IGFN1: variants seen among roughly 807,000 people sequenced by gnomAD.
IGFN1 encodes the protein immunoglobulin like and fibronectin type III domain containing 1, also known as immunoglobulin-like and fibronectin type III domain-containing protein 1.
In IGFN1, 253 loss-of-function variants were observed where a neutral mutation model predicts 289.5. The ratio of observed to expected loss-of-function variants is 0.87; its 90% CI spans 0.79 to 0.97. IGFN1 has a LOEUF of 0.97. Among genes scored for constraint, IGFN1 ranks in the 50% least tolerant of loss-of-function variants. The probability of loss-of-function intolerance (pLI) is 0.00; values close to 1 mark genes in which losing one functional copy is unlikely to be tolerated. For missense variants in IGFN1, 4,470 were observed against 4,686.1 expected (o/e 0.95, Z 1.35); for synonymous variants, 1,706 against 1,788.5 (o/e 0.95, Z 1.16).
At position 201,228,410 on chromosome 1, in the gene IGFN1, C is replaced by T. The variant is rs745850638; in HGVS notation, c.*11C>T. 1 of 1,613,970 alleles carries T rather than the reference C, an allele frequency of 6.2e-7. No homozygotes were observed. The highest frequency in any genetic ancestry group is 1.1e-5 in the South Asian group (1 of 91,084). ...GAACCCAGCACCTAGCCTCACCTCACCCTGGGATGGTCCTGGACCCTTGAA... is the reference window on the plus strand; with the variant it reads ...GAACCCAGCACCTAGCCTCACCTCATCCTGGGATGGTCCTGGACCCTTGAA... On this transcript the variant is annotated 3_prime_UTR_variant, in exon 24 of 24. Transcript: ENST00000335211.
At position 201,207,245 on chromosome 1, in the gene IGFN1, C is replaced by T. The variant is rs1006511839; in HGVS notation, c.2352C>T (p.Cys784=). The T allele has an allele frequency of 1.9e-5, 29 of 1,536,730 alleles. No homozygotes were observed. Among genetic ancestry groups the T allele is most frequent in the Middle Eastern group, 1.7e-4 (1 of 5,988 alleles). ...GPGGPGDPRG[C]EGVLQELRGR... ...GAGGCCCAGGAGACCCCAGAGGCTGCGAAGGTGTCCTACAGGAGCTCAGGG... is the reference window on the plus strand; with the variant it reads ...GAGGCCCAGGAGACCCCAGAGGCTGTGAAGGTGTCCTACAGGAGCTCAGGG... Residue 784 remains cysteine (C), a synonymous_variant, in exon 12 of 24, where the codon TGC becomes TGT. Coordinates refer to ENST00000335211, the MANE Select transcript of IGFN1 (RefSeq NM_001164586.2).
chr1:201,226,139 G>T lies in IGFN1; in HGVS notation c.10786+16G>T. ...CGGCAGCGCGGTAAGCAGCCCCTGA[G>T]AGGGAGGAGCAGGCAGGGTGGGGGT... On this transcript the variant is annotated intron_variant, in intron 22 of 23. Coordinates refer to ENST00000335211, the MANE Select transcript of IGFN1 (RefSeq NM_001164586.2). 2 of 1,565,674 alleles carry T rather than the reference G, an allele frequency of 1.3e-6. No individual in the cohort carries two copies. The highest frequency in any genetic ancestry group is 8.7e-7 in the Non-Finnish European group (1 of 1,155,238).
Position 201,205,230 on chromosome 1 carries a change from A to T in IGFN1, c.1065A>T (p.Glu355Asp), listed in dbSNP as rs61743109. ...TACTCCACCCCAGTGACAAATATGA[A>T]GTGTATGTGTCCCCTGACGGGCTGA... The part of the protein sequence containing the change: ...HRLLHPSDKY[E>D]VYVSPDGLTH... The change falls in exon 11 of 24, where the codon GAA becomes GAT. Residue 355 changes from glutamate (E) to aspartate (D), a missense_variant. Around this residue, in one of 8 missense-constraint regions of IGFN1, gnomAD observed 2,011 missense variants for 1,953.4 expected, o/e 1.03. Coordinates refer to ENST00000335211, the MANE Select transcript of IGFN1 (RefSeq NM_001164586.2). The T allele has an allele frequency of 4.4e-4, 685 of 1,550,984 alleles. 3 individuals carry two copies. In the African/African-American group the frequency reaches 8.7e-3, roughly 20 times the overall value.
In IGFN1 at chr1:201,212,755, C is replaced by G. The variant is rs562411624; in HGVS notation, c.7862C>G (p.Thr2621Arg). ...TCAGGGCCTGCTGATAGACAAGGGA[C>G]GAGCAATGCTTGGGCTCCTGATTGG... is the stretch of plus-strand genomic sequence containing the variant. ...STSGPADRQG[T>R]SNAWAPDWEN... The change falls in exon 12 of 24, where the codon ACG (threonine) becomes AGG (arginine). Residue 2621 changes from threonine (T) to arginine (R), a missense_variant. Around this residue, in one of 8 missense-constraint regions of IGFN1, gnomAD observed 2,218 missense variants for 2,114.1 expected, o/e 1.05. Transcript: ENST00000335211. 6.4e-7 allele frequency: 1 copy of G among 1,551,540 alleles called. No homozygotes were observed. Among genetic ancestry groups the G allele is most frequent in the Admixed American group, 2.0e-5 (1 of 50,986 alleles).
rs576258229 is a variant in IGFN1, at chr1:201,194,860, G to A, written c.127+587G>A. On this transcript the variant is annotated intron_variant, in intron 3 of 23. Coordinates refer to ENST00000335211, the MANE Select transcript of IGFN1 (RefSeq NM_001164586.2). ...GCATCCTGGTAATAAGAAAAAGAATGGTATTTTATTTTTCTAAATCTGGAA... is the reference window on the plus strand; with the variant it reads ...GCATCCTGGTAATAAGAAAAAGAATAGTATTTTATTTTTCTAAATCTGGAA... Among the ~76,000 whole-genome samples, 9 of 152,290 alleles carry A rather than the reference G, an allele frequency of 5.9e-5. No homozygotes were observed. In the East Asian group the frequency reaches 1.5e-3, roughly 26 times the overall value.
Position 201,221,788 on chromosome 1 carries a change from C to T in IGFN1, c.10201+42C>T, listed in dbSNP as rs148810831. On this transcript the variant is annotated intron_variant, in intron 19 of 23. Transcript: ENST00000335211. The stretch of plus-strand genomic sequence containing the variant: ...TCCCCGACCCCTGAGCCCTGCAGGC[C>T]TCTCCTAAGAGGGGGCCCCTGAGTA... The T allele has an allele frequency of 3.9e-6, 6 of 1,521,586 alleles. No individual in the cohort carries two copies. The Admixed American group carries it at 1.2e-4, about 31-fold the overall frequency. The allele number at this position is 1,521,586 out of a possible 1,614,324, so 94.3% of individuals were successfully genotyped here.
Position 201,214,224 on chromosome 1 carries a change from C to G in IGFN1, c.8776C>G (p.Pro2926Ala). The change falls in exon 13 of 24, where the codon CCG becomes GCG. Residue 2926 changes from proline (P) to alanine (A), a missense_variant. By Grantham distance (27) the Pro-to-Ala change is conservative. Around this residue, in one of 8 missense-constraint regions of IGFN1, gnomAD observed 2,218 missense variants for 2,114.1 expected, o/e 1.05. Coordinates refer to ENST00000335211, the MANE Select transcript of IGFN1 (RefSeq NM_001164586.2). The stretch of plus-strand genomic sequence containing the variant: ...GGGCCTGGCTGACATGGAAGTGCAG[C>G]CGGGGGAGGCCGCCACACTCTCCTG... The part of the protein sequence containing the change: ...SQGLADMEVQ[P>A]GEAATLSCTL... The G allele has an allele frequency of 6.2e-7, 1 of 1,613,494 alleles. No individual in the cohort carries two copies. Among genetic ancestry groups the G allele is most frequent in the Non-Finnish European group, 8.5e-7 (1 of 1,179,690 alleles).
intron 9 of IGFN1, among the ~76,000 whole-genome samples, chr1:201,202,866 C>T (rs1667228927): frequency 6.6e-6 from 1 of 151,416 alleles, no homozygotes; most frequent in Admixed American, 6.6e-5. Context: ...AGTGATTCTC[C>T]TGCCTCAGCC....
At chr1:201,201,862 G>GCTTGGGGGGGGGGGC in intron 9 of IGFN1, 30 bp downstream of exon 9, 1 of 727,662 alleles carries the variant, frequency 1.4e-6, no homozygotes, top group African/African-American at 1.8e-5. Flanking sequence ...GGGTGGGGGG[G>GCTTGGGGGGGGGGGC]ATCTGGCAGG....
At chr1:201,202,431 C>A (rs762846790) in intron 9 of IGFN1, among the ~76,000 whole-genome samples, 1 of 152,132 alleles carries the variant, frequency 6.6e-6, no homozygotes, top group Non-Finnish European at 1.5e-5. Context: ...CCTCCCCTCA[C>A]CTCTCTGCTT....
rs373332909 is a variant in IGFN1, at chr1:201,215,809, T to C, written c.9266T>C (p.Val3089Ala). ...SVTLRSEGGS[V>A]QAELTLQVID... ...ACACTGAGGAGTGAGGGAGGCTCTG[T>C]GCAGGCCGAGCTCACTCTGCAAGTC... is the stretch of plus-strand genomic sequence containing the variant. Residue 3089 changes from valine to alanine, a missense_variant, in exon 15 of 24, where the codon GTG becomes GCG. By Grantham distance (64) the Val-to-Ala change is moderately conservative (BLOSUM62 0). Around this residue, in one of 8 missense-constraint regions of IGFN1, gnomAD observed 2,218 missense variants for 2,114.1 expected, o/e 1.05. Coordinates refer to ENST00000335211, the MANE Select transcript of IGFN1 (RefSeq NM_001164586.2). 6 of 1,596,990 alleles carry C rather than the reference T, an allele frequency of 3.8e-6. No individual in the cohort carries two copies. Among genetic ancestry groups the C allele is most frequent in the Non-Finnish European group, 5.1e-6 (6 of 1,170,864 alleles).
At position 201,213,268 on chromosome 1, in the gene IGFN1, G is replaced by C; in HGVS notation, c.8375G>C (p.Gly2792Ala). The C allele has an allele frequency of 1.9e-6, 3 of 1,553,664 alleles. No homozygotes were observed. Among genetic ancestry groups the C allele is most frequent in the Non-Finnish European group, 8.7e-7 (1 of 1,148,032 alleles). The change falls in exon 12 of 24, where the codon GGG (glycine) becomes GCG (alanine). Residue 2792 changes from glycine (G) to alanine (A), a missense_variant. Gly to Ala is a moderately conservative substitution (Grantham distance 60). Coordinates refer to ENST00000335211, the MANE Select transcript of IGFN1 (RefSeq NM_001164586.2). ...EAENGEVQGP[G>A]ALKEDEGQGV... is the part of the protein sequence containing the mutation. ...GAGAATGGTGAGGTCCAGGGTCCTG[G>C]GGCCCTAAAGGAGGATGAAGGGCAG...
chr1:201,224,597 C>T, intron 20 of IGFN1, 82 bp from the exon 21 acceptor site: 1 of 1,182,504 alleles, frequency 8.5e-7, no homozygotes, highest in Non-Finnish European at 1.2e-6. Flanking sequence ...ACCGCTTCTA[C>T]CTTTGGCCTA....
chr1:201,209,526 A>C lies in IGFN1; in HGVS notation c.4633A>C (p.Lys1545Gln). 6.5e-7 allele frequency: 1 copy of C among 1,532,926 alleles called. No homozygotes were observed. The highest frequency in any genetic ancestry group is 1.2e-5 in the South Asian group (1 of 83,948). 95.0% of individuals were successfully genotyped at this position (1,532,926 alleles called of 1,614,324 possible). A position where few individuals can be genotyped will look rare whatever the true frequency, so the allele number is the denominator to read the frequency against. ...GASEAIGSGS[K>Q]AGFTDGLGGS... is the part of the protein sequence containing the mutation. ...TTCTGAGGCAATAGGTTCAGGGAGT[A>C]AGGCAGGTTTTACGGATGGTTTAGG... Residue 1545 changes from lysine to glutamine, a missense_variant, in exon 12 of 24, where the codon AAG becomes CAG. Lys to Gln is a moderately conservative substitution (Grantham distance 53). Coordinates refer to ENST00000335211, the MANE Select transcript of IGFN1 (RefSeq NM_001164586.2).
intron 4 of IGFN1, among the ~76,000 whole-genome samples, chr1:201,196,661 A>G (rs1666935406): frequency 6.6e-6 from 1 of 152,106 alleles, no homozygotes; most frequent in African/African-American, 2.4e-5. Flanking sequence ...TGTTATGAGG[A>G]TGAAAGTTTT....
At chr1:201,225,039 G>T (rs1299627659) in intron 21 of IGFN1, among the ~76,000 whole-genome samples, 165 bp downstream of exon 21, 2 of 152,224 alleles carry the variant, frequency 1.3e-5, no homozygotes, top group African/African-American at 4.8e-5. Flanking sequence ...AAAGTAGAAA[G>T]GACCCCAGAA....
At chr1:201,216,119 C>T in intron 15 of IGFN1, 1 of 662,436 alleles carries the variant, frequency 1.5e-6, no homozygotes. Context: ...GGATGGTGGT[C>T]CCCAGCCCTG....
Position 201,206,795 on chromosome 1 carries a change from C to G in IGFN1, c.1902C>G (p.Ser634Arg). The change falls in exon 12 of 24, where the codon AGC (serine) becomes AGG (arginine). Residue 634 changes from serine to arginine, a missense_variant. Physicochemically the swap from Ser to Arg is moderately radical, Grantham distance 110. Transcript: ENST00000335211. ...GKQIEISQDD[S>R]LAEMDRGDAP... is the part of the protein sequence containing the mutation. ...AGATAGAGATTTCACAGGATGACAG[C>G]CTGGCTGAGATGGACAGAGGGGATG... is the stretch of plus-strand genomic sequence containing the variant. The G allele has an allele frequency of 6.5e-7, 1 of 1,536,830 alleles. No individual in the cohort carries two copies. The highest frequency in any genetic ancestry group is 8.7e-7 in the Non-Finnish European group (1 of 1,146,894).
intron 15 of IGFN1, 111 bp downstream of exon 15, chr1:201,215,949 T>C: frequency 1.9e-6 from 2 of 1,076,670 alleles, no homozygotes; most frequent in Admixed American, 2.0e-5. Flanking sequence ...CTGATCCTCA[T>C]TTGCATGCTG....
Sources: gnomAD v4.1 joint callset for allele counts (sites outside exome capture counted in the v4.1 genomes callset) on GRCh38, gnomAD v4.1.1 for gene constraint, gnomAD v4.1.1 regional missense constraint, MANE v1.5 for transcripts, NCBI Gene and HGNC (gene_info 2026-07-23, HGNC 2026-07-21) for gene names.